The following MARCHF7 variants were observed in gnomAD, a reference collection of about 807,000 sequenced individuals.
The protein encoded by MARCHF7 is E3 ubiquitin-protein ligase MARCHF7.
Under a neutral mutation model 76.5 loss-of-function variants are expected in MARCHF7, and 20 were observed. The observed-to-expected ratio is 0.26, with a 90% CI of 0.18 to 0.38. The LOEUF (loss-of-function observed/expected upper bound fraction) is 0.38. Ranked by LOEUF, MARCHF7 falls within the 10% of genes least tolerant of loss-of-function variation. The pLI, the probability that MARCHF7 is intolerant of heterozygous loss-of-function variation, is 1.00. For synonymous variants in MARCHF7, 295 were observed against 293.0 expected (o/e 1.01, Z -0.07); for missense variants, 797 against 812.9 (o/e 0.98, Z 0.24).
intron 4 of MARCHF7, chr2:159,734,205 A>G (rs992655679): frequency 1.1e-5 from 9 of 833,880 alleles, no homozygotes; most frequent in East Asian, 3.3e-5. Flanking sequence ...AGGAAGCACT[A>G]ATCTGTTTAG....
intron 10 of MARCHF7, among the ~76,000 whole-genome samples, chr2:159,763,236 G>A (rs561225652): frequency 1.3e-5 from 2 of 152,104 alleles, no homozygotes; most frequent in Non-Finnish European, 2.9e-5. Context: ...AAAGGTAATT[G>A]GAATGTATTT....
In MARCHF7 at chr2:159,715,702, T is replaced by TA; in HGVS notation, c.-78dup. 6.6e-6 allele frequency: 1 copy of TA among 152,270 alleles called. No individual in the cohort carries two copies. Among genetic ancestry groups the TA allele is most frequent in the Admixed American group, 6.5e-5 (1 of 15,290 alleles). The allele number at this position is 152,270 out of a possible 1,614,324, so 9.4% of individuals were successfully genotyped here. A position where few individuals can be genotyped will look rare whatever the true frequency, so the allele number is the denominator to read the frequency against. ...TCAGCTTTCTGCCCTGGCATGAACT[T>TA]ACATGGTCAGAGCTGGTTTTTCCTG... On this transcript the variant is annotated 5_prime_UTR_variant, in exon 3 of 12. The change abolishes the stop of an existing upstream ORF in the 5' untranslated region. Transcript: ENST00000409175.
intron 10 of MARCHF7, among the ~76,000 whole-genome samples, chr2:159,763,812 A>T (rs1013227971): frequency 6.6e-6 from 1 of 152,080 alleles, no homozygotes; most frequent in Non-Finnish European, 1.5e-5. Flanking sequence ...ATTAGTAAAA[A>T]ATTTTTCTTT....
chr2:159,758,670 C>T (rs1706627969), intron 8 of MARCHF7, among the ~76,000 whole-genome samples: 1 of 152,178 alleles, frequency 6.6e-6, no homozygotes, highest in South Asian at 2.1e-4. Flanking sequence ...TATATAAAGA[C>T]TAATTCCTTT....
chr2:159,717,930 T>G (rs1281158137), intron 3 of MARCHF7, among the ~76,000 whole-genome samples: 1 of 152,226 alleles, frequency 6.6e-6, no homozygotes, highest in Non-Finnish European at 1.5e-5. Context: ...TAAATCTGAA[T>G]GACTTTGAAA....
chr2:159,730,925 C>G (rs567398306), intron 4 of MARCHF7, among the ~76,000 whole-genome samples: 2 of 151,956 alleles, frequency 1.3e-5, no homozygotes, highest in Non-Finnish European at 1.5e-5. Flanking sequence ...GGATCTCACT[C>G]TGTTACCCAG....
chr2:159,764,687 T>C lies in MARCHF7; in HGVS notation c.2056+13T>C. 6.3e-7 allele frequency: 1 copy of C among 1,599,912 alleles called. No homozygotes were observed. Among genetic ancestry groups the C allele is most frequent in the Non-Finnish European group, 8.5e-7 (1 of 1,172,574 alleles). ...GAAGATCTCGAAAGTAGGTGGAATTTCCCCTCCCCAGACTTGTTGAATTTA... is the reference window on the plus strand; with the variant it reads ...GAAGATCTCGAAAGTAGGTGGAATTCCCCCTCCCCAGACTTGTTGAATTTA... On this transcript the variant is annotated intron_variant, in intron 11 of 11. Coordinates refer to ENST00000409175, the MANE Select transcript of MARCHF7 (RefSeq NM_001282805.2).
intron 3 of MARCHF7, among the ~76,000 whole-genome samples, chr2:159,720,033 C>A (rs1053994714): frequency 2.0e-5 from 3 of 152,128 alleles, no homozygotes; most frequent in Admixed American, 6.5e-5. Flanking sequence ...CGCCCTCCCC[C>A]CTCCAGCCCC....
In MARCHF7 at chr2:159,729,113, A is replaced by G. The variant is rs1702485797; in HGVS notation, c.91A>G (p.Ser31Gly). The change falls in exon 4 of 12, where the codon AGT (serine) becomes GGT (glycine). Residue 31 changes from serine (S) to glycine (G), a missense_variant. Coordinates refer to ENST00000409175, the MANE Select transcript of MARCHF7 (RefSeq NM_001282805.2). ...TAGGATGATGTCTGGAAGCAGAGGA[A>G]GTAGTTTAAATGATACCTATCACTC... ...SARMMSGSRG[S>G]SLNDTYHSRD... The G allele has an allele frequency of 6.2e-7, 1 of 1,611,276 alleles. No individual in the cohort carries two copies. The highest frequency in any genetic ancestry group is 8.5e-7 in the Non-Finnish European group (1 of 1,178,880).
At chr2:159,719,395 C>T (rs1367631508) in intron 3 of MARCHF7, among the ~76,000 whole-genome samples, 1 of 152,014 alleles carries the variant, frequency 6.6e-6, no homozygotes, top group Non-Finnish European at 1.5e-5. Context: ...CCACCACCAC[C>T]CCGCCCACTC....
intron 9 of MARCHF7, among the ~76,000 whole-genome samples, chr2:159,760,747 A>C (rs1235083376): frequency 7.1e-6 from 1 of 141,426 alleles, no homozygotes; most frequent in Non-Finnish European, 1.5e-5. Context: ...TTTGTTTTTG[A>C]CTCGCTCTGT....
chr2:159,727,910 A>G (rs1702358394), intron 3 of MARCHF7, among the ~76,000 whole-genome samples: 1 of 152,256 alleles, frequency 6.6e-6, no homozygotes, highest in Non-Finnish European at 1.5e-5. Context: ...TAGTGAGGAA[A>G]ACTTGGAAAT....
rs1704379628 is a variant in MARCHF7 at position 159,743,375 on chromosome 2, A to G, written c.346+122A>G. On this transcript the variant is annotated intron_variant, in intron 5 of 11. Transcript: ENST00000409175. ...AGACAGTGGGTCAGAAATGTAGTGGAATTTCCAAAATCTTACTTTAAATTA... is the reference window on the plus strand; with the variant it reads ...AGACAGTGGGTCAGAAATGTAGTGGGATTTCCAAAATCTTACTTTAAATTA... 4 of 846,042 alleles carry G rather than the reference A, an allele frequency of 4.7e-6. No homozygotes were observed. The Middle Eastern group carries it at 1.5e-3, about 313-fold the overall frequency. 52.4% of individuals were successfully genotyped at this position (846,042 alleles called of 1,614,324 possible).
Position 159,748,902 on chromosome 2 carries a change from A to C in MARCHF7, c.1612A>C (p.Ser538Arg). ...DPERLQKIKE[S>R]LLLEDSEEEE... ...AGAAAGATTGCAGAAAATAAAAGAG[A>C]GGTAAATTCGAATACCTGTCTTAAG... The change falls in exon 7 of 12, where the codon AGC becomes CGC. Residue 538 changes from serine (S) to arginine (R), a missense_variant and splice_region_variant. Transcript: ENST00000409175. 1 of 1,592,792 alleles carries C rather than the reference A, an allele frequency of 6.3e-7. No individual in the cohort carries two copies. Among genetic ancestry groups the C allele is most frequent in the Non-Finnish European group, 8.5e-7 (1 of 1,171,080 alleles).
chr2:159,768,842 A>G lies in MARCHF7; in HGVS notation c.*1500A>G, dbSNP rs1708036025. On this transcript the variant is annotated 3_prime_UTR_variant, in exon 12 of 12. Coordinates refer to ENST00000409175, the MANE Select transcript of MARCHF7 (RefSeq NM_001282805.2). ...TATACTTTTAATAAAATTCAGTATG[A>G]CAGTTGTCTTCTGCTTAACCCATAA... is the stretch of plus-strand genomic sequence containing the variant. 1 of 152,154 alleles carries G rather than the reference A, an allele frequency of 6.6e-6. No homozygotes were observed. Among genetic ancestry groups the G allele is most frequent in the Non-Finnish European group, 1.5e-5 (1 of 68,004 alleles). The allele number at this position is 152,154 out of a possible 1,614,324, so 9.4% of individuals were successfully genotyped here.
intron 4 of MARCHF7, among the ~76,000 whole-genome samples, chr2:159,730,766 AATAT>A (rs1348999397): frequency 6.6e-6 from 1 of 152,200 alleles, no homozygotes; most frequent in Non-Finnish European, 1.5e-5. Context: ...TAATTTTAAA[AATAT>A]ATATAGCTTA....
intron 4 of MARCHF7, among the ~76,000 whole-genome samples, chr2:159,735,853 G>A (rs1352285138): frequency 6.6e-6 from 1 of 152,162 alleles, no homozygotes; most frequent in Admixed American, 6.5e-5. Flanking sequence ...GTGGAGCCAG[G>A]CATGTTGGCT....
chr2:159,713,733 G>C (rs963330490), intron 1 of MARCHF7, among the ~76,000 whole-genome samples: 1 of 152,208 alleles, frequency 6.6e-6, no homozygotes, highest in African/African-American at 2.4e-5. Flanking sequence ...AGCATTTTGG[G>C]AGACAGGACT....
Position 159,764,638 on chromosome 2 carries a change from G to C in MARCHF7, c.2020G>C (p.Ala674Pro). The C allele has an allele frequency of 6.2e-7, 1 of 1,601,390 alleles. No individual in the cohort carries two copies. Among genetic ancestry groups the C allele is most frequent in the Non-Finnish European group, 8.5e-7 (1 of 1,174,164 alleles). The change falls in exon 11 of 12, where the codon GCA (alanine) becomes CCA (proline). Residue 674 changes from alanine (A) to proline (P), a missense_variant. By Grantham distance (27) the Ala-to-Pro change is conservative (BLOSUM62 -1). Around this residue, in one of 3 missense-constraint regions of MARCHF7, gnomAD observed 124 missense variants for 121.3 expected, o/e 1.02. Coordinates refer to ENST00000409175, the MANE Select transcript of MARCHF7 (RefSeq NM_001282805.2). ...GCATTGTTTCTAGTTTATTAACCTT[G>C]CAAGAACTCTTCAGGCACATATGGA... ...PSTRVRFINL[A>P]RTLQAHMEDL... is the part of the protein sequence containing the mutation.
Sources: allele counts gnomAD v4.1 joint callset (sites outside exome capture counted in the v4.1 genomes callset), GRCh38; gene constraint gnomAD v4.1.1; regional missense constraint gnomAD v4.1.1; transcripts MANE v1.5; gene names NCBI Gene and HGNC (gene_info 2026-07-23, HGNC 2026-07-21).